The following DLC1 variants were observed in gnomAD, a reference collection of about 807,000 sequenced individuals.
The protein encoded by DLC1 is DLC1 Rho GTPase activating protein.
In DLC1, 54 loss-of-function variants were observed where a neutral mutation model predicts 140.3. The observed-to-expected ratio is 0.38, with a 90% CI of 0.31 to 0.48. The LOEUF (loss-of-function observed/expected upper bound fraction) is 0.48. Among genes scored for constraint, DLC1 ranks in the 20% least tolerant of loss-of-function variants. The probability of loss-of-function intolerance (pLI) is 0.96; values close to 1 mark genes in which losing one functional copy is unlikely to be tolerated. For synonymous variants in DLC1, 986 were observed against 728.1 expected, an observed-to-expected ratio of 1.35 and a Z score of -5.70; for missense variants, 2,536 against 1,907.0, an observed-to-expected ratio of 1.33 and a Z score of -6.14.
chr8:13,135,425 C>T (rs1366068316), intron 5 of DLC1, among the ~76,000 whole-genome samples: 1 of 152,064 alleles, frequency 6.6e-6, no homozygotes, highest in African/African-American at 2.4e-5. Flanking sequence ...TCGTGATCCG[C>T]CTACCTCAGC....
intron 2 of DLC1, among the ~76,000 whole-genome samples, chr8:13,453,556 A>ATATTT (rs1355906460): frequency 1.1e-4 from 3 of 26,928 alleles, no homozygotes; most frequent in African/African-American, 1.7e-4. Flanking sequence ...ATATATATAT[A>ATATTT]TTTTTTTTTT....
At chr8:13,221,812 ATATAT>A (rs1378340376) in intron 5 of DLC1, among the ~76,000 whole-genome samples, 2 of 145,272 alleles carry the variant, frequency 1.4e-5, no homozygotes, top group South Asian at 4.2e-4. Flanking sequence ...TATAAAATAC[ATATAT>A]TATAAAATAC....
chr8:13,200,309 G>T (rs532131446), intron 5 of DLC1, among the ~76,000 whole-genome samples: 2 of 151,722 alleles, frequency 1.3e-5, no homozygotes, highest in African/African-American at 4.8e-5. Flanking sequence ...TGATCTGCCC[G>T]CCTCGGCCTC....
At chr8:13,528,625 C>G (rs1438378531) in intron 1 of DLC1, among the ~76,000 whole-genome samples, 4 of 152,028 alleles carry the variant, frequency 2.6e-5, no homozygotes, top group African/African-American at 9.7e-5. Flanking sequence ...ATTATATTTG[C>G]CAAGTTCTTA....
intron 2 of DLC1, among the ~76,000 whole-genome samples, chr8:13,472,545 C>T (rs1179588512): frequency 1.3e-5 from 2 of 152,144 alleles, no homozygotes; most frequent in East Asian, 3.9e-4. Context: ...CCTGTGTCCC[C>T]AGAAATCTTT....
At chr8:13,500,241 A>C (rs1426222050) in intron 1 of DLC1, 45 bp from the exon 2 acceptor site, 1 of 561,636 alleles carries the variant, frequency 1.8e-6, no homozygotes, top group African/African-American at 1.9e-5. Context: ...ATACGTTTCT[A>C]AAGTCAAAAT....
intron 1 of DLC1, among the ~76,000 whole-genome samples, chr8:13,504,140 T>TG: frequency 6.6e-6 from 1 of 151,450 alleles, no homozygotes; most frequent in Non-Finnish European, 1.5e-5. Flanking sequence ...TTTTTTTTTT[T>TG]TTTAAGACAG....
At chr8:13,229,280 G>A (rs1021091845) in intron 5 of DLC1, among the ~76,000 whole-genome samples, 5 of 152,140 alleles carry the variant, frequency 3.3e-5, no homozygotes, top group South Asian at 2.1e-4. Context: ...ATTGATCCAC[G>A]CTACAACATT....
intron 5 of DLC1, among the ~76,000 whole-genome samples, chr8:13,187,653 G>A (rs1036124669): frequency 1.3e-5 from 2 of 152,206 alleles, no homozygotes; most frequent in Non-Finnish European, 2.9e-5. Context: ...GAGATACTAT[G>A]TGGGAAGCAA....
intron 5 of DLC1, among the ~76,000 whole-genome samples, chr8:13,158,641 C>T (rs1259568868): frequency 6.6e-6 from 1 of 151,756 alleles, no homozygotes; most frequent in African/African-American, 2.4e-5. Context: ...AGATACTTCC[C>T]TCCAGATCTA....
intron 5 of DLC1, among the ~76,000 whole-genome samples, chr8:13,120,162 G>A (rs1319701198): frequency 6.6e-6 from 1 of 150,698 alleles, no homozygotes; most frequent in Non-Finnish European, 1.5e-5. Context: ...GGCCAACACG[G>A]TGAAACCCCG....
At chr8:13,582,878 C>CTCTATA (rs1805160191) in intron 1 of DLC1, among the ~76,000 whole-genome samples, 1 of 103,062 alleles carries the variant, frequency 9.7e-6, no homozygotes, top group Non-Finnish European at 1.9e-5. Context: ...ATACTGTGGT[C>CTCTATA]TATATATATA....
At chr8:13,539,973 T>C (rs548554270) in intron 1 of DLC1, among the ~76,000 whole-genome samples, 193 of 152,276 alleles carry the variant, frequency 1.3e-3, no homozygotes, top group African/African-American at 4.5e-3. Context: ...CGTTATCAAA[T>C]TGACACACAG....
chr8:13,482,858 A>C lies in DLC1; in HGVS notation c.1023+16191T>G, dbSNP rs150974345. Among the ~76,000 whole-genome samples the C allele has an allele frequency of 1.1e-4, 17 of 152,290 alleles. No homozygotes were observed. The East Asian group carries it at 3.3e-3, about 29-fold the overall frequency. ...GGCATATGCTAGCTGCTAAGGAGAG[A>C]ATGGTGACTAAGTAATGAGTGTGAC... On this transcript the variant is annotated intron_variant, in intron 2 of 17. Transcript: ENST00000276297.
At position 13,214,785 on chromosome 8, in the gene DLC1, C is replaced by T. The variant is rs186993631; in HGVS notation, c.1348+90484G>A. ...TTACTGATTTTACCGCTGCTGGGTT[C>T]CAGGGGAGGTAAAAAGGAGAGGAGA... On this transcript the variant is annotated intron_variant, in intron 5 of 17. Coordinates refer to ENST00000276297, the MANE Select transcript of DLC1 (RefSeq NM_182643.3). The T allele has an allele frequency of 1.1e-3, 861 of 780,176 alleles. 8 individuals carry two copies. In the African/African-American group the frequency reaches 0.013, roughly 12 times the overall value. The allele number at this position is 780,176 out of a possible 1,614,324, so 48.3% of individuals were successfully genotyped here. A position where few individuals can be genotyped will look rare whatever the true frequency, so the allele number is the denominator to read the frequency against.
At chr8:13,188,932 G>T (rs886536842) in intron 5 of DLC1, among the ~76,000 whole-genome samples, 1 of 140,106 alleles carries the variant, frequency 7.1e-6, no homozygotes, top group Non-Finnish European at 1.5e-5. Flanking sequence ...CTCGTTATCC[G>T]CCCGCCTCGG....
intron 5 of DLC1, 103 bp downstream of exon 5, chr8:13,305,166 C>A: frequency 6.8e-7 from 1 of 1,471,174 alleles, no homozygotes; most frequent in South Asian, 1.4e-5. Context: ...CCCATATATT[C>A]ATGAGATGTA....
At chr8:13,229,186 C>G (rs533774960) in intron 5 of DLC1, among the ~76,000 whole-genome samples, 1 of 152,134 alleles carries the variant, frequency 6.6e-6, no homozygotes, top group African/African-American at 2.4e-5. Context: ...TCCAAATGTC[C>G]ACCAACTGGA....
chr8:13,573,352 G>A (rs1804732295), intron 1 of DLC1, among the ~76,000 whole-genome samples: 1 of 152,096 alleles, frequency 6.6e-6, no homozygotes, highest in South Asian at 2.1e-4. Flanking sequence ...TAGCTCTAAC[G>A]ATGAAAAGAG....
Sources: allele counts gnomAD v4.1 joint callset (sites outside exome capture counted in the v4.1 genomes callset), GRCh38; gene constraint gnomAD v4.1.1; transcripts MANE v1.5; gene names NCBI Gene and HGNC (gene_info 2026-07-23, HGNC 2026-07-21).